The following ZNF541 variants were observed in gnomAD, a reference collection of about 807,000 sequenced individuals.
ZNF541 encodes the protein zinc finger protein 541.
In ZNF541, 23 loss-of-function variants were observed where a neutral mutation model predicts 123.5. The observed-to-expected ratio is 0.19, with a 90% CI of 0.13 to 0.26. ZNF541 has a LOEUF of 0.26. ZNF541 is among the 10% of genes least tolerant of loss of function. The pLI, the probability that ZNF541 is intolerant of heterozygous loss-of-function variation, is 1.00. For synonymous variants in ZNF541, 751 were observed against 754.5 expected (o/e 1.00, Z 0.08); for missense variants, 1,612 against 1,789.9 (o/e 0.90, Z 1.79).
intron 3 of ZNF541, among the ~76,000 whole-genome samples, chr19:47,551,021 T>C (rs529498837): frequency 6.6e-6 from 1 of 152,058 alleles, no homozygotes; most frequent in South Asian, 2.1e-4. Context: ...TAGATTGACC[T>C]GAAAGGTGGA....
intron 12 of ZNF541, among the ~76,000 whole-genome samples, chr19:47,530,704 T>C (rs967375949): frequency 6.6e-6 from 1 of 152,080 alleles, no homozygotes; most frequent in African/African-American, 2.4e-5. Context: ...TGGAGTGCAG[T>C]GGTGCGATCT....
At chr19:47,569,031 C>T (rs1599748975) in intron 2 of ZNF541, among the ~76,000 whole-genome samples, 1 of 152,234 alleles carries the variant, frequency 6.6e-6, no homozygotes, top group East Asian at 1.9e-4. Context: ...AGTATTTTTA[C>T]AAATTGGATT....
intron 2 of ZNF541, among the ~76,000 whole-genome samples, chr19:47,570,123 A>C (rs1421086596): frequency 1.3e-5 from 2 of 151,146 alleles, no homozygotes; most frequent in Admixed American, 1.3e-4. Flanking sequence ...AAATACAAAA[A>C]ATTAGCCAGG....
intron 12 of ZNF541, 119 bp downstream of exon 12, chr19:47,531,523 G>A (rs16972294): frequency 0.6 from 412,132 of 684,318 alleles, 132,025 homozygotes; most frequent in Non-Finnish European, 0.66. Flanking sequence ...CTGTGGAGGA[G>A]GATGGGCGGC....
chr19:47,538,115 CAG>C, intron 9 of ZNF541, 25 bp downstream of exon 9: 2 of 1,548,968 alleles, frequency 1.3e-6, no homozygotes, highest in Non-Finnish European at 1.7e-6. Context: ...CCTGGGATCA[CAG>C]AGTGAGTGCC....
chr19:47,567,679 A>G (rs373515973), intron 2 of ZNF541, among the ~76,000 whole-genome samples: 14 of 152,258 alleles, frequency 9.2e-5, no homozygotes, highest in African/African-American at 3.1e-4. Context: ...AGAAAAAATC[A>G]GAAGATCTGC....
At chr19:47,535,407 T>G (rs796111369) in intron 9 of ZNF541, among the ~76,000 whole-genome samples, 1 of 152,214 alleles carries the variant, frequency 6.6e-6, no homozygotes, top group Admixed American at 6.5e-5. Context: ...AGGACCACTT[T>G]ACACCTACTA....
chr19:47,549,728 G>A (rs1183133245), intron 3 of ZNF541, among the ~76,000 whole-genome samples: 1 of 152,138 alleles, frequency 6.6e-6, no homozygotes, highest in Non-Finnish European at 1.5e-5. Context: ...TTCCAGAGCA[G>A]CATGACCACA....
intron 12 of ZNF541, among the ~76,000 whole-genome samples, chr19:47,530,457 A>AT (rs1969516884): frequency 6.7e-6 from 1 of 150,114 alleles, no homozygotes; most frequent in Non-Finnish European, 1.5e-5. Context: ...AAGTGCTGGG[A>AT]TTACAGGCGT....
intron 8 of ZNF541, among the ~76,000 whole-genome samples, chr19:47,538,888 A>G (rs1317538216): frequency 6.6e-6 from 1 of 152,170 alleles, no homozygotes; most frequent in African/African-American, 2.4e-5. Flanking sequence ...TACAGGCTGC[A>G]GAGACAAGCC....
chr19:47,552,742 CAAAAAAAAAAAAAAAAA>C (rs573248609), intron 3 of ZNF541, among the ~76,000 whole-genome samples: 1 of 26,112 alleles, frequency 3.8e-5, no homozygotes, highest in Non-Finnish European at 7.4e-5. Context: ...GACTCCATCT[CAAAAAAAAAAAAAAAAA>C]AAAAAAAAAA....
chr19:47,561,357 G>A (rs1179471684), intron 2 of ZNF541, among the ~76,000 whole-genome samples: 9 of 152,004 alleles, frequency 5.9e-5, no homozygotes, highest in African/African-American at 2.2e-4. Flanking sequence ...TGAATCGCTT[G>A]AGCCCAAGAA....
At chr19:47,564,027 G>T (rs571497648) in intron 2 of ZNF541, among the ~76,000 whole-genome samples, 1 of 152,244 alleles carries the variant, frequency 6.6e-6, no homozygotes, top group East Asian at 1.9e-4. Flanking sequence ...ACAAATAAGA[G>T]AGACTAATTT....
chr19:47,528,171 TG>T (rs1969391648), intron 14 of ZNF541, among the ~76,000 whole-genome samples: 1 of 144,954 alleles, frequency 6.9e-6, no homozygotes, highest in African/African-American at 2.5e-5. Context: ...CAAAATTAGC[TG>T]GGCATGGTGG....
In ZNF541 at chr19:47,529,651, A is replaced by C. The variant is rs1184564988; in HGVS notation, c.3407T>G (p.Val1136Gly). 2 of 1,551,526 alleles carry C rather than the reference A, an allele frequency of 1.3e-6. No homozygotes were observed. Residue 1136 changes from valine to glycine, a missense_variant and splice_region_variant, in exon 13 of 17, where the codon GTC (valine) becomes GGC (glycine). This residue lies in a region of ZNF541 where 285 missense variants were observed against 407.3 expected (regional missense o/e 0.70). Transcript: ENST00000391901. Reference sequence around the variant, plus strand: ...TCGGAGCAGAAGAGTCTCCAGGGCGACCTGGAACAAGAGGAGCGACAGGCT... The same window carrying C: ...TCGGAGCAGAAGAGTCTCCAGGGCGCCCTGGAACAAGAGGAGCGACAGGCT... The part of the protein sequence containing the change: ...CLHEAQGNVQ[V>G]ALETLLLRGP...
In ZNF541 at chr19:47,531,762, C is replaced by A; in HGVS notation, c.3302-17G>T. 6.5e-7 allele frequency: 1 copy of A among 1,535,970 alleles called. No homozygotes were observed. On this transcript the variant is annotated splice_polypyrimidine_tract_variant and intron_variant, in intron 11 of 16. Transcript: ENST00000391901. ...GCTCGGTCACTGTTTCCAAGAAGGA[C>A]ATGAGGAAGAGGAGGCACACAGGAG...
At chr19:47,563,567 TCC>T (rs1470281938) in intron 2 of ZNF541, among the ~76,000 whole-genome samples, 1 of 151,950 alleles carries the variant, frequency 6.6e-6, no homozygotes, top group Non-Finnish European at 1.5e-5. Flanking sequence ...AAAACCCATC[TCC>T]CCCTGCATCT....
intron 9 of ZNF541, among the ~76,000 whole-genome samples, chr19:47,534,232 T>G (rs951459274): frequency 6.6e-6 from 1 of 152,018 alleles, no homozygotes; most frequent in Non-Finnish European, 1.5e-5. Flanking sequence ...CAGTAGAGAC[T>G]ATGGAATCCG....
At chr19:47,557,244 AG>A (rs1401555377) in intron 2 of ZNF541, among the ~76,000 whole-genome samples, 4 of 152,154 alleles carry the variant, frequency 2.6e-5, no homozygotes, top group African/African-American at 4.8e-5. Context: ...TGAGGGAAAC[AG>A]GGCCTTGAGT....
Sources: gnomAD v4.1 joint callset for allele counts (sites outside exome capture counted in the v4.1 genomes callset) on GRCh38, gnomAD v4.1.1 for gene constraint, gnomAD v4.1.1 regional missense constraint, MANE v1.5 for transcripts, NCBI Gene and HGNC (gene_info 2026-07-23, HGNC 2026-07-21) for gene names.